Variants in TMCC1 observed in about 807,000 individuals in gnomAD.
The protein encoded by TMCC1 is transmembrane and coiled-coil domain family 1.
In TMCC1, 15 loss-of-function variants were observed where a neutral mutation model predicts 52.4. That is an observed-to-expected ratio of 0.29 (90% CI 0.19 to 0.44). The LOEUF (loss-of-function observed/expected upper bound fraction) is 0.44. TMCC1 is among the 20% of genes least tolerant of loss of function. TMCC1 has a pLI of 1.00. For missense variants in TMCC1, 503 were observed against 806.0 expected (o/e 0.62, Z 4.55); for synonymous variants, 279 against 301.9 (o/e 0.92, Z 0.79).
intron 1 of TMCC1, among the ~76,000 whole-genome samples, chr3:129,891,051 A>T (rs886501502): frequency 6.6e-6 from 1 of 152,202 alleles, no homozygotes; most frequent in Admixed American, 6.5e-5. Context: ...TCAACACTGG[A>T]AAACAAGAGC....
chr3:129,673,881 C>T (rs2088176893), intron 4 of TMCC1, among the ~76,000 whole-genome samples: 1 of 151,960 alleles, frequency 6.6e-6, no homozygotes, highest in Non-Finnish European at 1.5e-5. Flanking sequence ...TCATATGCTG[C>T]ATAATGACAT....
chr3:129,736,354 T>C (rs1405554028), intron 4 of TMCC1, among the ~76,000 whole-genome samples: 1 of 152,184 alleles, frequency 6.6e-6, no homozygotes, highest in Non-Finnish European at 1.5e-5. Context: ...TAGTGAAAAC[T>C]GTGGCAATAA....
intron 4 of TMCC1, among the ~76,000 whole-genome samples, chr3:129,808,257 C>A (rs1167534816): frequency 6.6e-6 from 1 of 151,958 alleles, no homozygotes; most frequent in East Asian, 1.9e-4. Flanking sequence ...CCAATGCAGG[C>A]AGATCACCTG....
chr3:129,655,120 A>G lies in TMCC1; in HGVS notation c.1512-17T>C. ...CGTTCACATCTAAGGAGAAAAAAAA[A>G]GTTTAGAATTTTATGAATTCTGTGA... is the stretch of plus-strand genomic sequence containing the variant. On this transcript the variant is annotated splice_polypyrimidine_tract_variant and intron_variant, in intron 5 of 6. Transcript: ENST00000393238. The G allele has an allele frequency of 6.2e-7, 1 of 1,602,528 alleles. No individual in the cohort carries two copies. The highest frequency in any genetic ancestry group is 8.5e-7 in the Non-Finnish European group (1 of 1,175,724).
intron 4 of TMCC1, among the ~76,000 whole-genome samples, chr3:129,699,300 C>T (rs779913964): frequency 1.3e-5 from 2 of 152,070 alleles, no homozygotes; most frequent in Non-Finnish European, 2.9e-5. Context: ...AAGACGCCAG[C>T]GAAAAGTTCA....
intron 4 of TMCC1, chr3:129,794,296 C>T (rs1468443325): frequency 4.4e-6 from 2 of 456,120 alleles, no homozygotes; most frequent in Non-Finnish European, 8.8e-6. Context: ...AGTTTCCCCT[C>T]CACAAACATA....
intron 2 of TMCC1, among the ~76,000 whole-genome samples, chr3:129,868,503 A>C (rs747945381): frequency 1.3e-5 from 2 of 152,206 alleles, no homozygotes; most frequent in Non-Finnish European, 2.9e-5. Context: ...CAGTGGCGCA[A>C]TCTTGGCTCA....
At chr3:129,837,673 G>A (rs2059226330) in intron 2 of TMCC1, among the ~76,000 whole-genome samples, 1 of 152,094 alleles carries the variant, frequency 6.6e-6, no homozygotes, top group African/African-American at 2.4e-5. Flanking sequence ...AAGGGACAAA[G>A]CAATTATCAG....
At chr3:129,695,592 A>C (rs976033315) in intron 4 of TMCC1, among the ~76,000 whole-genome samples, 2 of 152,118 alleles carry the variant, frequency 1.3e-5, no homozygotes, top group African/African-American at 2.4e-5. Context: ...AAACTATCAG[A>C]TCTCATGAGA....
intron 2 of TMCC1, among the ~76,000 whole-genome samples, chr3:129,873,547 G>C (rs761579837): frequency 6.6e-6 from 1 of 151,924 alleles, no homozygotes; most frequent in Non-Finnish European, 1.5e-5. Context: ...AGGCGTGGTG[G>C]TGCACGCCTC....
chr3:129,774,936 A>C (rs1362846489), intron 4 of TMCC1, among the ~76,000 whole-genome samples: 1 of 152,176 alleles, frequency 6.6e-6, no homozygotes, highest in Non-Finnish European at 1.5e-5. Flanking sequence ...TTTCAGCAGA[A>C]AAATGCCATA....
At chr3:129,827,145 G>A (rs993325831) in intron 4 of TMCC1, among the ~76,000 whole-genome samples, 5 of 152,184 alleles carry the variant, frequency 3.3e-5, no homozygotes, top group African/African-American at 9.6e-5. Flanking sequence ...GCATGGCTAC[G>A]CGTACCTGAG....
Position 129,651,627 on chromosome 3 carries a change from T to G in TMCC1, c.1816A>C (p.Thr606Pro). The G allele has an allele frequency of 6.2e-7, 1 of 1,614,182 alleles. No individual in the cohort carries two copies. Among genetic ancestry groups the G allele is most frequent in the South Asian group, 1.1e-5 (1 of 91,084 alleles). ...VMAVLLVFVSTVANCVVPLMK... is the reference protein window; with the variant it reads ...VMAVLLVFVSPVANCVVPLMK... The stretch of plus-strand genomic sequence containing the variant: ...AGGGGGACCACACAGTTGGCTACAG[T>G]GGAGACAAAGACCAAAAGGACTGCC... The change falls in exon 7 of 7, where the codon ACT becomes CCT. Residue 606 changes from threonine to proline, a missense_variant. Coordinates refer to ENST00000393238, the MANE Select transcript of TMCC1 (RefSeq NM_001017395.5). This position sits in a 1 kb window ranked among gnomAD's most constrained non-coding sequence, Gnocchi z 5.1.
At chr3:129,825,388 T>C (rs1441660554) in intron 4 of TMCC1, among the ~76,000 whole-genome samples, 1 of 152,206 alleles carries the variant, frequency 6.6e-6, no homozygotes, top group African/African-American at 2.4e-5. Context: ...CAGCCTAATA[T>C]ACACTGCTTT....
chr3:129,772,592 G>A (rs540349685), intron 4 of TMCC1, among the ~76,000 whole-genome samples: 69 of 151,362 alleles, frequency 4.6e-4, no homozygotes, highest in African/African-American at 1.4e-3. Flanking sequence ...GTGTGGTGGC[G>A]GGCACCTGTA....
At chr3:129,761,984 C>CTT (rs1258106573) in intron 4 of TMCC1, among the ~76,000 whole-genome samples, 1 of 69,904 alleles carries the variant, frequency 1.4e-5, no homozygotes, top group Non-Finnish European at 2.7e-5. Context: ...GAGCAAGACT[C>CTT]TGTCTCAAAA....
At chr3:129,867,727 T>C (rs369131360) in intron 2 of TMCC1, among the ~76,000 whole-genome samples, 2 of 152,344 alleles carry the variant, frequency 1.3e-5, no homozygotes, top group South Asian at 2.1e-4. Context: ...GGTGACTGCA[T>C]TGGCTTATTT....
chr3:129,691,742 C>T (rs953499663), intron 4 of TMCC1, among the ~76,000 whole-genome samples: 32 of 152,090 alleles, frequency 2.1e-4, no homozygotes, highest in African/African-American at 7.7e-4. Flanking sequence ...ATGATTTCAG[C>T]CTGGGTTTGA....
rs1312679708 is a variant in TMCC1, at chr3:129,716,160, T to C, written c.577-44896A>G. 2.9e-4 allele frequency among the ~76,000 whole-genome samples: 8 copies of C among 27,920 alleles called. No individual in the cohort carries two copies. The East Asian group carries it at 9.9e-3, about 35-fold the overall frequency. The allele number at this position is 27,920 out of a possible 152,430, so 18.3% of individuals were successfully genotyped here. A position where few individuals can be genotyped will look rare whatever the true frequency, so the allele number is the denominator to read the frequency against. On this transcript the variant is annotated intron_variant, in intron 4 of 6. Transcript: ENST00000393238. Reference sequence around the variant, plus strand: ...GAGTTTCAGCCACTTTTTTTCTTTTTTCTTTGTTTTTTTTTTTTTGAGATG... The same window carrying C: ...GAGTTTCAGCCACTTTTTTTCTTTTCTCTTTGTTTTTTTTTTTTTGAGATG...
Sources: gnomAD v4.1 joint callset for allele counts (sites outside exome capture counted in the v4.1 genomes callset) on GRCh38, gnomAD v4.1.1 for gene constraint, Gnocchi (gnomAD v3.1) non-coding constraint, MANE v1.5 for transcripts, NCBI Gene and HGNC (gene_info 2026-07-23, HGNC 2026-07-21) for gene names.